Variants in SND1 observed in about 807,000 individuals in gnomAD.
The protein encoded by SND1 is staphylococcal nuclease and tudor domain containing 1, also known as staphylococcal nuclease domain-containing protein 1.
A neutral mutation model predicts 121.7 loss-of-function variants in SND1; 38 were observed. The observed-to-expected ratio is 0.31, with a 90% confidence interval of 0.24 to 0.41. The LOEUF (loss-of-function observed/expected upper bound fraction) is 0.41. SND1 is among the 10% of genes least tolerant of loss of function. The probability of loss-of-function intolerance (pLI) is 1.00; values close to 1 mark genes in which losing one functional copy is unlikely to be tolerated. For missense variants in SND1, 868 were observed against 1,184.6 expected (o/e 0.73, Z 3.92); for synonymous variants, 401 against 447.4 (o/e 0.90, Z 1.31).
intron 15 of SND1, among the ~76,000 whole-genome samples, chr7:127,945,392 G>A (rs1801306466): frequency 6.6e-6 from 1 of 152,068 alleles, no homozygotes; most frequent in Non-Finnish European, 1.5e-5. Context: ...TTGGTAGGCT[G>A]AGGCAGGAGA....
intron 15 of SND1, among the ~76,000 whole-genome samples, chr7:127,952,494 G>T (rs1233550876): frequency 6.6e-6 from 1 of 152,166 alleles, no homozygotes; most frequent in Non-Finnish European, 1.5e-5. Context: ...CTGAGAAACT[G>T]TTAGCTGTAG....
chr7:127,652,419 G>A lies in SND1; in HGVS notation c.46G>A (p.Val16Ile). The part of the protein sequence containing the change: ...QSGGSSGGPA[V>I]PTVQRGIIKM... The stretch of plus-strand genomic sequence containing the variant: ...CGGCGGCTCCTCCGGGGGACCCGCG[G>A]TCCCCACCGTGCAGCGGGGCATCAT... The change falls in exon 1 of 24, where the codon GTC becomes ATC. Residue 16 changes from valine (V) to isoleucine (I), a missense_variant. Transcript: ENST00000354725. 1 of 1,591,662 alleles carries A rather than the reference G, an allele frequency of 6.3e-7. No homozygotes were observed. The highest frequency in any genetic ancestry group is 8.5e-7 in the Non-Finnish European group (1 of 1,169,790).
intron 16 of SND1, among the ~76,000 whole-genome samples, chr7:128,003,421 C>A (rs1758747015): frequency 6.6e-6 from 1 of 152,126 alleles, no homozygotes; most frequent in Non-Finnish European, 1.5e-5. Flanking sequence ...TCTCCCCTTT[C>A]CCTTCTCTTG....
At chr7:127,918,476 A>C (rs1800633162) in intron 14 of SND1, among the ~76,000 whole-genome samples, 1 of 152,206 alleles carries the variant, frequency 6.6e-6, no homozygotes. Flanking sequence ...AAAAGGATAG[A>C]AATTATCTGT....
intron 16 of SND1, among the ~76,000 whole-genome samples, chr7:128,071,427 A>G (rs1225323141): frequency 6.6e-6 from 1 of 152,248 alleles, no homozygotes; most frequent in Non-Finnish European, 1.5e-5. Flanking sequence ...CTGTATGTAT[A>G]TATCTCTGTG....
At chr7:127,881,500 G>T (rs957980427) in intron 12 of SND1, among the ~76,000 whole-genome samples, 2 of 152,038 alleles carry the variant, frequency 1.3e-5, no homozygotes, top group African/African-American at 4.8e-5. Flanking sequence ...TCTACTTATG[G>T]GCACCAAATA....
intron 1 of SND1, among the ~76,000 whole-genome samples, chr7:127,656,384 G>A (rs1490610195): frequency 9.4e-5 from 14 of 148,208 alleles, no homozygotes; most frequent in African/African-American, 2.8e-4. Context: ...GTGCAGTGGC[G>A]CTATCTTGGC....
At chr7:127,743,979 G>A (rs1010157316) in intron 10 of SND1, among the ~76,000 whole-genome samples, 14 of 152,086 alleles carry the variant, frequency 9.2e-5, no homozygotes, top group African/African-American at 3.1e-4. Context: ...TTTCAAATGT[G>A]TAATGATGCT....
At chr7:127,802,728 G>T (rs1343106397) in intron 10 of SND1, among the ~76,000 whole-genome samples, 1 of 152,092 alleles carries the variant, frequency 6.6e-6, no homozygotes, top group Non-Finnish European at 1.5e-5. Flanking sequence ...CTCCACTCAG[G>T]TATCTAATAG....
chr7:127,664,792 G>A (rs952087736), intron 1 of SND1, among the ~76,000 whole-genome samples: 7 of 152,200 alleles, frequency 4.6e-5, no homozygotes, highest in African/African-American at 1.7e-4. Context: ...GGAAGACAGT[G>A]TCTGAATTGA....
At chr7:127,897,478 C>T (rs1277474460) in intron 13 of SND1, among the ~76,000 whole-genome samples, 1 of 151,978 alleles carries the variant, frequency 6.6e-6, no homozygotes, top group Non-Finnish European at 1.5e-5. Flanking sequence ...TAAATAATTA[C>T]AAATATAGTT....
intron 10 of SND1, among the ~76,000 whole-genome samples, chr7:127,760,580 A>G (rs1330801513): frequency 6.6e-6 from 1 of 152,224 alleles, no homozygotes; most frequent in Non-Finnish European, 1.5e-5. Context: ...GAGAATCATT[A>G]TGTGCCTTGA....
intron 15 of SND1, among the ~76,000 whole-genome samples, chr7:127,954,085 G>A (rs1050039697): frequency 1.1e-4 from 16 of 152,102 alleles, no homozygotes; most frequent in African/African-American, 3.6e-4. Context: ...TGATTGATGC[G>A]GACTGGACAG....
intron 10 of SND1, among the ~76,000 whole-genome samples, chr7:127,721,601 T>C (rs776655331): frequency 1.1e-4 from 16 of 152,222 alleles, no homozygotes; most frequent in Non-Finnish European, 1.6e-4. Context: ...CCACACCCAC[T>C]GCTCTGCCGA....
chr7:127,687,656 T>A (rs1040579327), intron 2 of SND1, among the ~76,000 whole-genome samples: 2 of 152,112 alleles, frequency 1.3e-5, no homozygotes, highest in African/African-American at 4.8e-5. Context: ...GATTTCAGTA[T>A]TTTTTTATGG....
In SND1 at chr7:127,701,332, G is replaced by A; in HGVS notation, c.589+9G>A. 1 of 1,612,816 alleles carries A rather than the reference G, an allele frequency of 6.2e-7. No homozygotes were observed. Among genetic ancestry groups the A allele is most frequent in the Non-Finnish European group, 8.5e-7 (1 of 1,179,270 alleles). ...CCAGAAGCCTGTTAATGGTGAGGCT[G>A]GTGGGAACAGACAGATACGACTCAG... On this transcript the variant is annotated intron_variant, in intron 5 of 23. Coordinates refer to ENST00000354725, the MANE Select transcript of SND1 (RefSeq NM_014390.4).
chr7:127,652,862 A>G (rs1795146526), intron 1 of SND1, among the ~76,000 whole-genome samples: 1 of 152,178 alleles, frequency 6.6e-6, no homozygotes, highest in Admixed American at 6.5e-5. Context: ...GTACTTGGCC[A>G]TCATGAAACT....
intron 10 of SND1, among the ~76,000 whole-genome samples, chr7:127,753,280 A>T (rs991524261): frequency 6.6e-6 from 1 of 152,092 alleles, no homozygotes; most frequent in African/African-American, 2.4e-5. Context: ...GATGATCTGA[A>T]TGGAAATTTT....
chr7:127,756,578 A>G (rs995506113), intron 10 of SND1, among the ~76,000 whole-genome samples: 1 of 152,156 alleles, frequency 6.6e-6, no homozygotes, highest in Admixed American at 6.5e-5. Flanking sequence ...TTCTTCTTGT[A>G]TCTTCCTCCA....
Sources: gnomAD v4.1 joint callset for allele counts (sites outside exome capture counted in the v4.1 genomes callset) on GRCh38, gnomAD v4.1.1 for gene constraint, MANE v1.5 for transcripts, NCBI Gene and HGNC (gene_info 2026-07-23, HGNC 2026-07-21) for gene names.